The following COL27A1 variants were observed in gnomAD, a reference collection of about 807,000 sequenced individuals.
The protein encoded by COL27A1 is collagen alpha-1(XXVII) chain.
COL27A1 carries 106 observed loss-of-function variants against 251.3 expected under a neutral mutation model. That is an observed-to-expected ratio of 0.42 (90% CI 0.36 to 0.50). The LOEUF is 0.50. Ranked by LOEUF, COL27A1 falls within the 20% of genes least tolerant of loss-of-function variation. The pLI is 0.00. For synonymous variants in COL27A1, 1,000 were observed against 986.3 expected (o/e 1.01, Z -0.26); for missense variants, 2,325 against 2,522.8 (o/e 0.92, Z 1.68).
intron 7 of COL27A1, among the ~76,000 whole-genome samples, chr9:114,198,731 G>A (rs369824150): frequency 2.0e-5 from 3 of 152,110 alleles, no homozygotes; most frequent in Admixed American, 6.5e-5. Context: ...CTCTGCCACC[G>A]CCTGAGATAC....
intron 35 of COL27A1, among the ~76,000 whole-genome samples, chr9:114,270,005 C>A (rs1835029923): frequency 6.6e-6 from 1 of 152,140 alleles, no homozygotes. Flanking sequence ...GAAGGGCAAG[C>A]CTGGTTGAGG....
intron 31 of COL27A1, 106 bp from the exon 32 acceptor site, chr9:114,265,316 G>T (rs1024660638): frequency 8.0e-7 from 1 of 1,248,754 alleles, no homozygotes; most frequent in Non-Finnish European, 1.1e-6. Context: ...CTGTCACCCG[G>T]TGTGGGAGGA....
At chr9:114,218,592 G>A (rs1830866394) in intron 12 of COL27A1, 1 of 152,200 alleles carries the variant, frequency 6.6e-6, no homozygotes, top group Admixed American at 6.5e-5. Context: ...ACCTTGGTCT[G>A]AATTTCATTA....
At chr9:114,268,416 C>T (rs2135617068) in intron 34 of COL27A1, among the ~76,000 whole-genome samples, 1 of 152,352 alleles carries the variant, frequency 6.6e-6, no homozygotes, top group South Asian at 2.1e-4. Flanking sequence ...GAAAATTCTC[C>T]AATGAGAAAG....
At chr9:114,249,698 C>T (rs1833392072) in intron 24 of COL27A1, among the ~76,000 whole-genome samples, 1 of 152,148 alleles carries the variant, frequency 6.6e-6, no homozygotes, top group Non-Finnish European at 1.5e-5. Context: ...ATTCCTGGCC[C>T]AAGGTCTCAT....
chr9:114,158,158 A>G (rs1588539023), intron 1 of COL27A1, among the ~76,000 whole-genome samples: 2 of 152,306 alleles, frequency 1.3e-5, no homozygotes, highest in African/African-American at 4.8e-5. Flanking sequence ...GATGAGCTGT[A>G]GTTCCAGCTA....
At chr9:114,196,517 C>T (rs1365788257) in intron 7 of COL27A1, among the ~76,000 whole-genome samples, 1 of 152,136 alleles carries the variant, frequency 6.6e-6, no homozygotes, top group Non-Finnish European at 1.5e-5. Context: ...GGGAGTGGAC[C>T]CTGGGGTCAG....
chr9:114,165,088 T>C (rs1357127550), intron 2 of COL27A1, among the ~76,000 whole-genome samples: 1 of 152,208 alleles, frequency 6.6e-6, no homozygotes, highest in Non-Finnish European at 1.5e-5. Flanking sequence ...ATGAGGAAGA[T>C]GACCATTTCA....
chr9:114,245,687 GT>G (rs1234546730), intron 23 of COL27A1, among the ~76,000 whole-genome samples, 178 bp from the exon 24 acceptor site: 1 of 152,226 alleles, frequency 6.6e-6, no homozygotes, highest in Non-Finnish European at 1.5e-5. Context: ...CTGAGGTTCT[GT>G]CCAAGTACCC....
chr9:114,206,178 C>T, intron 9 of COL27A1, 74 bp from the exon 10 acceptor site: 1 of 1,457,706 alleles, frequency 6.9e-7, no homozygotes, highest in Non-Finnish European at 9.6e-7. Flanking sequence ...CCCAAAGAGG[C>T]AGGACTTGCC....
Position 114,243,566 on chromosome 9 carries a change from G to A in COL27A1, c.2934+6G>A. ...CCGGCCTGGATGGCGTGAAGGTGAG[G>A]GGACCTGGAGATCCCTGGGGACAAG... On this transcript the variant is annotated splice_donor_region_variant and intron_variant, in intron 23 of 60. Coordinates refer to ENST00000356083, the MANE Select transcript of COL27A1 (RefSeq NM_032888.4). The A allele has an allele frequency of 6.2e-7, 1 of 1,612,014 alleles. No homozygotes were observed. The highest frequency in any genetic ancestry group is 8.5e-7 in the Non-Finnish European group (1 of 1,178,456).
intron 1 of COL27A1, among the ~76,000 whole-genome samples, chr9:114,161,387 C>A (rs1417926330): frequency 1.3e-5 from 2 of 152,122 alleles, no homozygotes; most frequent in African/African-American, 4.8e-5. Context: ...TATCCAGATT[C>A]ATGTAGGATC....
At chr9:114,208,198 G>A (rs1830098954) in intron 10 of COL27A1, among the ~76,000 whole-genome samples, 2 of 152,138 alleles carry the variant, frequency 1.3e-5, no homozygotes, top group Admixed American at 1.3e-4. Context: ...AGCATTTTGG[G>A]AGGCCAAGGC....
At chr9:114,248,648 T>A (rs1219482499) in intron 24 of COL27A1, among the ~76,000 whole-genome samples, 2 of 152,172 alleles carry the variant, frequency 1.3e-5, no homozygotes, top group African/African-American at 4.8e-5. Context: ...AGAACAGGCC[T>A]GCCAGGATGT....
intron 5 of COL27A1, among the ~76,000 whole-genome samples, chr9:114,193,764 A>G (rs183187479): frequency 3.3e-5 from 5 of 152,250 alleles, no homozygotes; most frequent in African/African-American, 4.8e-5. Flanking sequence ...AATGGATATC[A>G]ACATTCTGGA....
chr9:114,240,604 AC>A, intron 21 of COL27A1, 117 bp downstream of exon 21: 2 of 935,698 alleles, frequency 2.1e-6, no homozygotes, highest in Non-Finnish European at 3.2e-6. Flanking sequence ...CCAGGACACC[AC>A]CCAGGGCTTC....
chr9:114,240,698 C>T (rs1238168331), intron 21 of COL27A1, among the ~76,000 whole-genome samples: 1 of 152,242 alleles, frequency 6.6e-6, no homozygotes, highest in Non-Finnish European at 1.5e-5. Flanking sequence ...TGTCACCTGG[C>T]AGGGTGGCTT....
intron 5 of COL27A1, among the ~76,000 whole-genome samples, chr9:114,193,794 C>G (rs531818960): frequency 1.3e-5 from 2 of 152,118 alleles, no homozygotes; most frequent in Admixed American, 1.3e-4. Flanking sequence ...AGTATTGACA[C>G]GCCTCTTGGA....
At chr9:114,192,189 C>G (rs1332274803) in intron 5 of COL27A1, among the ~76,000 whole-genome samples, 1 of 152,182 alleles carries the variant, frequency 6.6e-6, no homozygotes, top group Non-Finnish European at 1.5e-5. Context: ...GTCTCAGTTT[C>G]CTTTTTTTGT....
Sources: gnomAD v4.1 joint callset for allele counts (sites outside exome capture counted in the v4.1 genomes callset) on GRCh38, gnomAD v4.1.1 for gene constraint, MANE v1.5 for transcripts, NCBI Gene and HGNC (gene_info 2026-07-23, HGNC 2026-07-21) for gene names.